Variants in PARD3 observed in about 807,000 individuals in gnomAD.
The protein encoded by PARD3 is partitioning defective 3 homolog.
Under a neutral mutation model 155.4 loss-of-function variants are expected in PARD3, and 75 were observed. The ratio of observed to expected loss-of-function variants is 0.48; its 90% CI spans 0.40 to 0.58. The LOEUF (loss-of-function observed/expected upper bound fraction) is 0.58. Ranked by LOEUF, PARD3 falls within the 20% of genes least tolerant of loss-of-function variation. The pLI, the probability that PARD3 is intolerant of heterozygous loss-of-function variation, is 0.00. For missense variants in PARD3, 1,642 were observed against 1,721.7 expected (o/e 0.95, Z 0.82); for synonymous variants, 576 against 610.5 (o/e 0.94, Z 0.83).
intron 22 of PARD3, among the ~76,000 whole-genome samples, chr10:34,207,706 C>A (rs994199513): frequency 6.6e-6 from 1 of 152,176 alleles, no homozygotes; most frequent in Non-Finnish European, 1.5e-5. Flanking sequence ...ACACAGTAAA[C>A]TTTATGGACA....
chr10:34,666,816 T>TATATATATATATATATATATACAC (rs765552982), intron 2 of PARD3, among the ~76,000 whole-genome samples: 122 of 88,716 alleles, frequency 1.4e-3, no homozygotes, highest in African/African-American at 3.0e-3. Context: ...TATATATATA[T>TATATATATATATATATATATACAC]ACACACACAC....
chr10:34,416,693 A>G (rs537704153), intron 5 of PARD3, among the ~76,000 whole-genome samples: 1 of 152,218 alleles, frequency 6.6e-6, no homozygotes, highest in Non-Finnish European at 1.5e-5. Context: ...ATTAACACTG[A>G]CATCCATTTG....
chr10:34,420,570 A>T (rs1314547558), intron 5 of PARD3, among the ~76,000 whole-genome samples: 1 of 152,188 alleles, frequency 6.6e-6, no homozygotes, highest in African/African-American at 2.4e-5. Context: ...CTGAATGTGC[A>T]GCTTTATGGG....
chr10:34,759,971 C>T (rs570078395), intron 1 of PARD3, among the ~76,000 whole-genome samples: 68 of 152,268 alleles, frequency 4.5e-4, no homozygotes, highest in Admixed American at 7.2e-4. Context: ...TTCCTTTATT[C>T]GTATTTGCAC....
chr10:34,653,898 CT>C, intron 2 of PARD3, among the ~76,000 whole-genome samples: 2 of 151,818 alleles, frequency 1.3e-5, no homozygotes, highest in Admixed American at 6.6e-5. Context: ...AGATTTTGCT[CT>C]TTTTGACTTA....
intron 1 of PARD3, among the ~76,000 whole-genome samples, chr10:34,708,662 A>G (rs971581284): frequency 6.6e-6 from 1 of 152,208 alleles, no homozygotes; most frequent in South Asian, 2.1e-4. Context: ...CATTTCACTA[A>G]AGTGTACATT....
At chr10:34,720,182 C>T (rs1232258435) in intron 1 of PARD3, among the ~76,000 whole-genome samples, 1 of 152,186 alleles carries the variant, frequency 6.6e-6, no homozygotes, top group Non-Finnish European at 1.5e-5. Flanking sequence ...CCTGTAATCC[C>T]ACTAGTTTGG....
At chr10:34,397,150 A>G (rs1223098249) in intron 7 of PARD3, among the ~76,000 whole-genome samples, 2 of 152,218 alleles carry the variant, frequency 1.3e-5, no homozygotes, top group Non-Finnish European at 2.9e-5. Flanking sequence ...AGTAACAGGA[A>G]TCCATTTCCG....
chr10:34,215,895 G>A (rs1013458299), intron 22 of PARD3, among the ~76,000 whole-genome samples: 24 of 152,102 alleles, frequency 1.6e-4, no homozygotes, highest in Admixed American at 8.5e-4. Flanking sequence ...AATTGTCATC[G>A]GGTGGTGACA....
intron 1 of PARD3, among the ~76,000 whole-genome samples, chr10:34,795,371 G>A (rs145564607): frequency 2.3e-4 from 35 of 152,312 alleles, no homozygotes; most frequent in African/African-American, 8.2e-4. Context: ...AGCACTTTGA[G>A]AGGCCAAAGG....
intron 22 of PARD3, among the ~76,000 whole-genome samples, chr10:34,225,055 A>G (rs1264584023): frequency 6.6e-6 from 1 of 152,230 alleles, no homozygotes; most frequent in East Asian, 1.9e-4. Flanking sequence ...TAGAGATGTT[A>G]ATATTTAATC....
chr10:34,133,117 T>G (rs1276938178), intron 22 of PARD3, among the ~76,000 whole-genome samples: 3 of 152,030 alleles, frequency 2.0e-5, no homozygotes, highest in African/African-American at 7.2e-5. Flanking sequence ...GGGACCTGAT[T>G]TTTCCTGGAT....
chr10:34,211,269 C>T (rs1303070542), intron 22 of PARD3, among the ~76,000 whole-genome samples: 1 of 152,082 alleles, frequency 6.6e-6, no homozygotes, highest in Non-Finnish European at 1.5e-5. Flanking sequence ...GGATTTGGGC[C>T]CAGTTCTGGC....
intron 2 of PARD3, among the ~76,000 whole-genome samples, chr10:34,579,908 G>GA (rs574829315): frequency 0.092 from 11,894 of 129,694 alleles, 1,327 homozygotes; most frequent in African/African-American, 0.28. Flanking sequence ...TTTCACTACA[G>GA]AAAAAAAAAA....
At chr10:34,413,371 A>C (rs1320156409) in intron 5 of PARD3, among the ~76,000 whole-genome samples, 1 of 152,060 alleles carries the variant, frequency 6.6e-6, no homozygotes, top group African/African-American at 2.4e-5. Context: ...GTGGGTTCAG[A>C]AGCCTTTCAC....
intron 20 of PARD3, among the ~76,000 whole-genome samples, chr10:34,313,358 TGTA>T (rs1299675538): frequency 6.6e-6 from 1 of 152,250 alleles, no homozygotes; most frequent in African/African-American, 2.4e-5. Flanking sequence ...GTGCAAAAGA[TGTA>T]GTATGTATGA....
intron 1 of PARD3, among the ~76,000 whole-genome samples, chr10:34,744,925 A>G (rs575370047): frequency 5.5e-4 from 84 of 152,318 alleles, no homozygotes; most frequent in Non-Finnish European, 1.0e-3. Context: ...AAGTGGGTGC[A>G]CACCCAGGAG....
chr10:34,675,555 C>T (rs1397697867), intron 2 of PARD3: 2 of 151,862 alleles, frequency 1.3e-5, no homozygotes, highest in African/African-American at 4.8e-5. Context: ...GATATTTCAG[C>T]TTCTCTTTTT....
At chr10:34,619,055 T>TC in intron 2 of PARD3, among the ~76,000 whole-genome samples, 1 of 149,888 alleles carries the variant, frequency 6.7e-6, no homozygotes. Context: ...TTTTTTTTTT[T>TC]TCTTTTTTTT....
Sources: gnomAD v4.1 joint callset for allele counts (sites outside exome capture counted in the v4.1 genomes callset) on GRCh38, gnomAD v4.1.1 for gene constraint, MANE v1.5 for transcripts, NCBI Gene and HGNC (gene_info 2026-07-23, HGNC 2026-07-21) for gene names.